KCNMB2: variants seen among roughly 807,000 people sequenced by gnomAD.
KCNMB2 encodes calcium-activated potassium channel subunit beta-2.
Under a neutral mutation model 24.5 loss-of-function variants are expected in KCNMB2, and 9 were observed. The ratio of observed to expected loss-of-function variants is 0.37; its 90% CI spans 0.22 to 0.64. KCNMB2 has a LOEUF of 0.64. KCNMB2 is among the 30% of genes least tolerant of loss of function. The pLI is 0.63. For synonymous variants in KCNMB2, 109 were observed against 104.4 expected (o/e 1.04, Z -0.27); for missense variants, 226 against 284.3 (o/e 0.79, Z 1.47).
intron 1 of KCNMB2, among the ~76,000 whole-genome samples, chr3:178,740,423 G>A (rs536638722): frequency 3.9e-4 from 59 of 152,018 alleles, no homozygotes; most frequent in Admixed American, 1.4e-3. Flanking sequence ...CCTGGCCCCC[G>A]TAAACATTTT....
chr3:178,751,865 A>G (rs920661894), intron 1 of KCNMB2, among the ~76,000 whole-genome samples: 2 of 152,234 alleles, frequency 1.3e-5, no homozygotes, highest in Non-Finnish European at 2.9e-5. Flanking sequence ...ATCCTAATAT[A>G]TCCAGTGCTT....
chr3:178,589,153 T>C (rs140147271), intron 1 of KCNMB2, among the ~76,000 whole-genome samples: 1 of 152,306 alleles, frequency 6.6e-6, no homozygotes, highest in Non-Finnish European at 1.5e-5. Context: ...ATCAAATAAA[T>C]GTAATGGGTT....
At chr3:178,712,476 A>G (rs560610935) in intron 1 of KCNMB2, among the ~76,000 whole-genome samples, 2 of 152,324 alleles carry the variant, frequency 1.3e-5, no homozygotes, top group African/African-American at 4.8e-5. Flanking sequence ...AAGATGTTGA[A>G]TGAGACAAAC....
chr3:178,709,922 T>C (rs1331556072), intron 1 of KCNMB2, among the ~76,000 whole-genome samples: 1 of 152,146 alleles, frequency 6.6e-6, no homozygotes, highest in Non-Finnish European at 1.5e-5. Flanking sequence ...ATAAGGTCCC[T>C]GTGCAAAATA....
chr3:178,722,224 T>A (rs1316057153), intron 1 of KCNMB2, among the ~76,000 whole-genome samples: 4 of 152,220 alleles, frequency 2.6e-5, no homozygotes, highest in African/African-American at 4.8e-5. Flanking sequence ...GTATGAGGTT[T>A]AAAATGAGGT....
intron 1 of KCNMB2, among the ~76,000 whole-genome samples, chr3:178,572,415 G>C (rs1162571311): frequency 6.6e-6 from 1 of 152,132 alleles, no homozygotes; most frequent in Non-Finnish European, 1.5e-5. Context: ...TTATCTATAT[G>C]CTACTCTCAG....
At chr3:178,545,930 G>C (rs1446036026) in intron 1 of KCNMB2, among the ~76,000 whole-genome samples, 1 of 152,128 alleles carries the variant, frequency 6.6e-6, no homozygotes, top group Non-Finnish European at 1.5e-5. Flanking sequence ...TCATTCACTG[G>C]TTTAACTTTG....
chr3:178,721,730 C>T (rs1397663008), intron 1 of KCNMB2, among the ~76,000 whole-genome samples: 1 of 152,162 alleles, frequency 6.6e-6, no homozygotes, highest in Non-Finnish European at 1.5e-5. Flanking sequence ...TTTTTTCAAA[C>T]ACCAAGTATT....
In KCNMB2 at chr3:178,620,839, A is replaced by G. The variant is rs181516485; in HGVS notation, c.-68+84128A>G. Among the ~76,000 whole-genome samples the G allele has an allele frequency of 2.0e-5, 3 of 152,360 alleles. No individual in the cohort carries two copies. In the East Asian group the frequency reaches 5.8e-4, roughly 29 times the overall value. Reference sequence around the variant, plus strand: ...GGACTTGCCAATGCTAAGACTGGATAGAAAGGGGAAAGAAGGATGCATTCT... The same window carrying G: ...GGACTTGCCAATGCTAAGACTGGATGGAAAGGGGAAAGAAGGATGCATTCT... On this transcript the variant is annotated intron_variant, in intron 1 of 4. Coordinates refer to ENST00000452583, the MANE Select transcript of KCNMB2 (RefSeq NM_181361.3).
intron 1 of KCNMB2, among the ~76,000 whole-genome samples, chr3:178,703,333 C>G (rs946853288): frequency 1.2e-4 from 19 of 152,118 alleles, no homozygotes; most frequent in Non-Finnish European, 2.6e-4. Flanking sequence ...TGCCTACATG[C>G]TTTCCACCAT....
At chr3:178,771,789 T>A (rs563919765) in intron 1 of KCNMB2, among the ~76,000 whole-genome samples, 19 of 152,260 alleles carry the variant, frequency 1.2e-4, no homozygotes, top group South Asian at 8.3e-4. Flanking sequence ...TCTACTTGCT[T>A]ACCTCACCAC....
intron 4 of KCNMB2, among the ~76,000 whole-genome samples, chr3:178,833,627 T>C (rs753697408): frequency 1.3e-5 from 2 of 152,106 alleles, no homozygotes; most frequent in African/African-American, 4.8e-5. Flanking sequence ...TACCAAGAAA[T>C]GGGCATGGTT....
chr3:178,807,308 T>C (rs2108452176), intron 1 of KCNMB2, 35 bp from the exon 2 acceptor site: 1 of 867,934 alleles, frequency 1.2e-6, no homozygotes. Flanking sequence ...TGAGAGCTAT[T>C]TGTTGCTGTT....
At chr3:178,686,016 C>T (rs1721456598) in intron 1 of KCNMB2, among the ~76,000 whole-genome samples, 1 of 151,994 alleles carries the variant, frequency 6.6e-6, no homozygotes, top group Non-Finnish European at 1.5e-5. Context: ...CTCTAGTATT[C>T]TTTCATAACT....
At chr3:178,734,298 C>G (rs1369687920) in intron 1 of KCNMB2, among the ~76,000 whole-genome samples, 1 of 152,186 alleles carries the variant, frequency 6.6e-6, no homozygotes, top group Non-Finnish European at 1.5e-5. Flanking sequence ...TGGCATCATG[C>G]CTTCACTCAA....
At chr3:178,605,274 A>T (rs370758861) in intron 1 of KCNMB2, among the ~76,000 whole-genome samples, 9 of 152,252 alleles carry the variant, frequency 5.9e-5, no homozygotes, top group African/African-American at 1.9e-4. Flanking sequence ...AGATGACCAG[A>T]CACTAAATCT....
chr3:178,737,182 A>G (rs1285405247), intron 1 of KCNMB2, among the ~76,000 whole-genome samples: 1 of 152,190 alleles, frequency 6.6e-6, no homozygotes, highest in African/African-American at 2.4e-5. Context: ...AAGCAAGAGA[A>G]TCACTGGAAC....
rs59926840 is a variant in KCNMB2, at chr3:178,698,649, T to C, written c.-67-108694T>C. 1.7e-3 allele frequency among the ~76,000 whole-genome samples: 255 copies of C among 152,360 alleles called. 1 individual carries two copies. The highest frequency in any genetic ancestry group is 5.9e-3 in the African/African-American group (244 of 41,588). ...GCCATCTTAGCTCAGTTCAGAACCC[T>C]TGCCAAAGCAGTGATGCAGTTGTTT... On this transcript the variant is annotated intron_variant, in intron 1 of 4. Transcript: ENST00000452583.
chr3:178,683,617 C>G (rs1721352494), intron 1 of KCNMB2, among the ~76,000 whole-genome samples: 1 of 152,186 alleles, frequency 6.6e-6, no homozygotes, highest in Non-Finnish European at 1.5e-5. Flanking sequence ...TCTCAGTTCA[C>G]ACTAGCTACA....
Sources: gnomAD v4.1 joint callset for allele counts (sites outside exome capture counted in the v4.1 genomes callset) on GRCh38, gnomAD v4.1.1 for gene constraint, MANE v1.5 for transcripts, NCBI Gene and HGNC (gene_info 2026-07-23, HGNC 2026-07-21) for gene names.